TRHDE: variants seen among roughly 807,000 people sequenced by gnomAD.
TRHDE encodes thyrotropin-releasing hormone-degrading ectoenzyme.
Under a neutral mutation model 125.7 loss-of-function variants are expected in TRHDE, and 72 were observed. The ratio of observed to expected loss-of-function variants is 0.57; its 90% confidence interval spans 0.47 to 0.70. The LOEUF is 0.70. TRHDE is among the 30% of genes least tolerant of loss of function. The pLI is 0.00. For synonymous variants in TRHDE, 509 were observed against 509.1 expected (o/e 1.00, Z 0.00); for missense variants, 1,110 against 1,327.1 (o/e 0.84, Z 2.54).
At chr12:72,591,631 G>GA (rs1871685022) in intron 12 of TRHDE, among the ~76,000 whole-genome samples, 1 of 106,318 alleles carries the variant, frequency 9.4e-6, no homozygotes, top group African/African-American at 6.2e-5. Flanking sequence ...TAAGGATATG[G>GA]GTTTTTTTTT....
At chr12:72,490,462 C>G (rs564587642) in intron 5 of TRHDE, among the ~76,000 whole-genome samples, 1 of 151,794 alleles carries the variant, frequency 6.6e-6, no homozygotes, top group Non-Finnish European at 1.5e-5. Context: ...AGCAATCCCT[C>G]TTCTGCATAC....
At chr12:72,516,187 A>C (rs1339615158) in intron 6 of TRHDE, among the ~76,000 whole-genome samples, 1 of 151,366 alleles carries the variant, frequency 6.6e-6, no homozygotes, top group Admixed American at 6.6e-5. Flanking sequence ...GAAGAAAGTC[A>C]TTGGTAGCTT....
chr12:72,216,214 G>T (rs1877887481), intron 2 of TRHDE, among the ~76,000 whole-genome samples: 1 of 152,088 alleles, frequency 6.6e-6, no homozygotes, highest in Non-Finnish European at 1.5e-5. Context: ...GGTAGATTTT[G>T]TGTTCAATTC....
At position 72,224,831 on chromosome 12, in the gene TRHDE, G is replaced by A. The variant is rs184578677; in HGVS notation, n.279+119079G>A. Among the ~76,000 whole-genome samples the A allele has an allele frequency of 6.6e-4, 100 of 152,192 alleles. 1 individual carries two copies. The Middle Eastern group carries it at 0.01, about 16-fold the overall frequency. On this transcript the variant is annotated intron_variant and non_coding_transcript_variant, in intron 2 of 4. Coordinates refer to the TRHDE transcript ENST00000548156. ...AACATCTTCAGTGGTATGATTATTA[G>A]CCATATCTCTCCACTAATGCAACTA...
At chr12:72,188,496 A>T (rs1172463255) in intron 2 of TRHDE, among the ~76,000 whole-genome samples, 1 of 152,194 alleles carries the variant, frequency 6.6e-6, no homozygotes, top group African/African-American at 2.4e-5. Context: ...TAGAGTTGGG[A>T]TAGTAACAGT....
intron 10 of TRHDE, among the ~76,000 whole-genome samples, chr12:72,574,323 A>T (rs1870887126): frequency 6.6e-6 from 1 of 152,066 alleles, no homozygotes; most frequent in Non-Finnish European, 1.5e-5. Context: ...GTCATTGTAG[A>T]AATTAGAGGA....
rs574763807 is a variant in TRHDE at position 72,458,156 on chromosome 12, C to T, written c.1316-11602C>T. Among the ~76,000 whole-genome samples the T allele has an allele frequency of 7.4e-4, 113 of 152,246 alleles. 1 individual carries two copies. The highest frequency in any genetic ancestry group is 2.7e-3 in the African/African-American group (111 of 41,544). On this transcript the variant is annotated intron_variant, in intron 3 of 18. Coordinates refer to ENST00000261180, the MANE Select transcript of TRHDE (RefSeq NM_013381.3). ...TATGTGATTCGATTTGGTGTTATATCTGTGTAAAATATTTTACAATTTATT... is the reference window on the plus strand; with the variant it reads ...TATGTGATTCGATTTGGTGTTATATTTGTGTAAAATATTTTACAATTTATT...
At chr12:72,135,623 A>G (rs1288857498) in intron 2 of TRHDE, among the ~76,000 whole-genome samples, 1 of 152,076 alleles carries the variant, frequency 6.6e-6, no homozygotes, top group African/African-American at 2.4e-5. Context: ...AGCTGCCTCA[A>G]GTCTCTGAAA....
At chr12:72,345,446 A>G (rs1178824601) in intron 2 of TRHDE, among the ~76,000 whole-genome samples, 1 of 152,168 alleles carries the variant, frequency 6.6e-6, no homozygotes, top group African/African-American at 2.4e-5. Flanking sequence ...ACAGGCATAA[A>G]TAACAAGTAC....
intron 7 of TRHDE, among the ~76,000 whole-genome samples, chr12:72,559,250 C>A (rs1870062123): frequency 1.3e-5 from 2 of 152,130 alleles, no homozygotes; most frequent in Admixed American, 1.3e-4. Flanking sequence ...AGGCACTATT[C>A]ATTCTTTTAA....
chr12:72,662,416 A>G (rs1234099720), intron 18 of TRHDE, among the ~76,000 whole-genome samples: 1 of 152,174 alleles, frequency 6.6e-6, no homozygotes, highest in Admixed American at 6.6e-5. Context: ...AAATGCTCAG[A>G]TTCTCCAGCT....
intron 7 of TRHDE, among the ~76,000 whole-genome samples, chr12:72,552,154 G>T (rs202122078): frequency 6.6e-6 from 1 of 152,088 alleles, no homozygotes; most frequent in East Asian, 1.9e-4. Context: ...ATATGACATG[G>T]CTCTATTTAC....
chr12:72,120,846 T>C (rs1024279015), intron 2 of TRHDE, among the ~76,000 whole-genome samples: 1 of 151,488 alleles, frequency 6.6e-6, no homozygotes, highest in Admixed American at 6.6e-5. Context: ...GCCCGGCTAA[T>C]TTTTTTGTAT....
At chr12:72,232,205 GCA>G (rs1878260445) in intron 2 of TRHDE, among the ~76,000 whole-genome samples, 1 of 152,172 alleles carries the variant, frequency 6.6e-6, no homozygotes. Context: ...TCAAGGGCAG[GCA>G]CAGACAGAGA....
chr12:72,434,599 G>A (rs1212236081), intron 3 of TRHDE, among the ~76,000 whole-genome samples: 3 of 151,882 alleles, frequency 2.0e-5, no homozygotes, highest in Non-Finnish European at 4.4e-5. Context: ...AAAAATAAAG[G>A]TTTCTCAACA....
intron 2 of TRHDE, among the ~76,000 whole-genome samples, chr12:72,316,845 T>G (rs574506070): frequency 2.6e-5 from 4 of 152,188 alleles, no homozygotes; most frequent in Non-Finnish European, 4.4e-5. Context: ...AGAAATGTGT[T>G]CTGGTGTATA....
chr12:72,637,444 C>A (rs1451424307), intron 15 of TRHDE, among the ~76,000 whole-genome samples: 1 of 151,928 alleles, frequency 6.6e-6, no homozygotes, highest in Admixed American at 6.6e-5. Context: ...TTGATCCTTT[C>A]AAAAAACCAG....
Position 72,575,525 on chromosome 12 carries a change from T to C in TRHDE, c.2304T>C (p.Asp768=). 6.2e-7 allele frequency: 1 copy of C among 1,613,716 alleles called. No individual in the cohort carries two copies. Among genetic ancestry groups the C allele is most frequent in the Non-Finnish European group, 8.5e-7 (1 of 1,179,734 alleles). ...GTAACCGAGCGGGCTTGATCGATGA[T>C]GCCTTCAGCCTAGCCAGGTATGTTT... is the stretch of plus-strand genomic sequence containing the variant. ...SVSNRAGLID[D]AFSLARAGYL... Residue 768 remains aspartate (D), a synonymous_variant, in exon 12 of 19, where the codon GAT becomes GAC. Transcript: ENST00000261180.
chr12:72,325,570 G>A (rs1869303626), intron 2 of TRHDE, among the ~76,000 whole-genome samples: 1 of 152,062 alleles, frequency 6.6e-6, no homozygotes, highest in African/African-American at 2.4e-5. Context: ...GAAAAAAAAG[G>A]TAGTATTTTC....
Sources: gnomAD v4.1 joint callset for allele counts (sites outside exome capture counted in the v4.1 genomes callset) on GRCh38, gnomAD v4.1.1 for gene constraint, MANE v1.5 for transcripts, NCBI Gene and HGNC (gene_info 2026-07-23, HGNC 2026-07-21) for gene names.